LCA5L: variants seen among roughly 807,000 people sequenced by gnomAD.
LCA5L encodes the protein lebercilin LCA5 like.
A neutral mutation model predicts 45.4 loss-of-function variants in LCA5L; 35 were observed. The ratio of observed to expected loss-of-function variants is 0.77; its 90% confidence interval spans 0.59 to 1.02. LCA5L has a LOEUF of 1.02. LCA5L is among the 50% of genes least tolerant of loss of function. LCA5L has a pLI of 0.00. For synonymous variants in LCA5L, 233 were observed against 264.7 expected (o/e 0.88, Z 1.16); for missense variants, 668 against 761.6 (o/e 0.88, Z 1.45).
intron 2 of LCA5L, among the ~76,000 whole-genome samples, chr21:39,443,047 T>C (rs144571766): frequency 2.0e-4 from 30 of 152,180 alleles, no homozygotes; most frequent in Admixed American, 3.9e-4. Context: ...ACAGTGTTTG[T>C]AGAGTGAAAT....
chr21:39,406,626 A>G lies in LCA5L; in HGVS notation c.1283-14T>C. The G allele has an allele frequency of 6.5e-7, 1 of 1,547,252 alleles. No individual in the cohort carries two copies. On this transcript the variant is annotated splice_polypyrimidine_tract_variant and intron_variant, in intron 10 of 10. Coordinates refer to ENST00000288350, the MANE Select transcript of LCA5L (RefSeq NM_152505.4). Reference sequence around the variant, plus strand: ...CCCCTGATAAATCTATATTAGAAAAATAGGCAATTTAGTGCTGTTTAAAAT... The same window carrying G: ...CCCCTGATAAATCTATATTAGAAAAGTAGGCAATTTAGTGCTGTTTAAAAT...
Position 39,405,832 on chromosome 21 carries a change from A to T in LCA5L, c.*50T>A. On this transcript the variant is annotated 3_prime_UTR_variant, in exon 11 of 11. Coordinates refer to ENST00000288350, the MANE Select transcript of LCA5L (RefSeq NM_152505.4). The stretch of plus-strand genomic sequence containing the variant: ...ACATTTCAAAAATAAGATGCAAGGC[A>T]CATAAGCAGCATTATATCAAACCAG... The T allele has an allele frequency of 7.4e-7, 1 of 1,348,600 alleles. No homozygotes were observed. Among genetic ancestry groups the T allele is most frequent in the Non-Finnish European group, 1.0e-6 (1 of 1,002,916 alleles). The allele number at this position is 1,348,600 out of a possible 1,614,324, so 83.5% of individuals were successfully genotyped here.
chr21:39,422,678 T>A, intron 6 of LCA5L: 1 of 472,502 alleles, frequency 2.1e-6, no homozygotes. Context: ...AAAAAGTCCC[T>A]TAGCACTGTA....
At chr21:39,431,470 T>A (rs912313641) in intron 3 of LCA5L, among the ~76,000 whole-genome samples, 3 of 149,000 alleles carry the variant, frequency 2.0e-5, no homozygotes, top group Non-Finnish European at 4.5e-5. Flanking sequence ...ATAAAGACAA[T>A]TTTTTTTTTG....
chr21:39,436,508 G>A (rs1180236139), intron 2 of LCA5L, among the ~76,000 whole-genome samples: 1 of 152,108 alleles, frequency 6.6e-6, no homozygotes, highest in East Asian at 1.9e-4. Context: ...TTGAGATGGA[G>A]TCTCACTGTG....
chr21:39,420,293 A>G (rs142116571), intron 7 of LCA5L, among the ~76,000 whole-genome samples: 1 of 152,254 alleles, frequency 6.6e-6, no homozygotes, highest in Non-Finnish European at 1.5e-5. Context: ...AGACCAAGGC[A>G]GGTGGATCAC....
chr21:39,417,401 C>T (rs1218055904), intron 7 of LCA5L, among the ~76,000 whole-genome samples: 2 of 152,134 alleles, frequency 1.3e-5, no homozygotes, highest in Non-Finnish European at 2.9e-5. Flanking sequence ...TTCATGGTTC[C>T]ATAAAGATAT....
In LCA5L at chr21:39,423,070, A is replaced by G. The variant is rs747428400; in HGVS notation, c.743T>C (p.Leu248Pro). The change falls in exon 6 of 11, where the codon CTT becomes CCT. Residue 248 changes from leucine to proline, a missense_variant. Transcript: ENST00000288350. Reference sequence around the variant, plus strand: ...TTCTGCAAGGTTTTTGTCTTCAGAAAGTTTCTGCAGTGCCTGCAAGATATC... The same window carrying G: ...TTCTGCAAGGTTTTTGTCTTCAGAAGGTTTCTGCAGTGCCTGCAAGATATC... ...TKDILQALQKLSEDKNLAERE... is the reference protein window; with the variant it reads ...TKDILQALQKPSEDKNLAERE... 7.4e-6 allele frequency: 12 copies of G among 1,614,066 alleles called. No homozygotes were observed. Among genetic ancestry groups the G allele is most frequent in the Non-Finnish European group, 9.3e-6 (11 of 1,180,022 alleles).
At chr21:39,420,866 C>A (rs765294580) in intron 6 of LCA5L, 23 bp from the exon 7 acceptor site, 2 of 1,572,564 alleles carry the variant, frequency 1.3e-6, no homozygotes, top group Non-Finnish European at 1.7e-6. Context: ...TATATTATAA[C>A]TATTCTGCAA....
intron 5 of LCA5L, among the ~76,000 whole-genome samples, chr21:39,427,153 C>T (rs1415195348): frequency 1.3e-5 from 2 of 152,148 alleles, no homozygotes; most frequent in African/African-American, 4.8e-5. Flanking sequence ...AACAGCAGGC[C>T]CTTTATTGTC....
intron 7 of LCA5L, among the ~76,000 whole-genome samples, chr21:39,417,836 G>T (rs9975823): frequency 6.6e-6 from 1 of 151,832 alleles, no homozygotes; most frequent in African/African-American, 2.4e-5. Context: ...CGTGATCTCC[G>T]CTCACTGCAA....
At chr21:39,410,988 G>A (rs1028772511) in intron 8 of LCA5L, 1 of 467,350 alleles carries the variant, frequency 2.1e-6, no homozygotes, top group African/African-American at 2.0e-5. Flanking sequence ...GGGAGATTTT[G>A]GGGGGAAAGC....
rs769930317 is a variant in LCA5L at position 39,428,196 on chromosome 21, CATT to C, written c.295_297del (p.Asn99del). ...CCTTTAGATTGGGAGATTTTAGAAA[CATT>C]ATACTTTTTCTTCTCCTTTTCTTTT... is the stretch of plus-strand genomic sequence containing the variant. On this transcript the variant is annotated inframe_deletion, in exon 5 of 11. Transcript: ENST00000288350. 1.3e-5 allele frequency: 20 copies of C among 1,592,322 alleles called. No individual in the cohort carries two copies. Among genetic ancestry groups the C allele is most frequent in the Admixed American group, 5.2e-5 (3 of 57,454 alleles).
chr21:39,434,084 C>G (rs887590652), intron 3 of LCA5L, among the ~76,000 whole-genome samples: 2 of 152,158 alleles, frequency 1.3e-5, no homozygotes, highest in African/African-American at 4.8e-5. Context: ...GACTCCAGAA[C>G]CATCCTAAAA....
chr21:39,419,617 A>T (rs772819290), intron 7 of LCA5L, among the ~76,000 whole-genome samples: 2 of 152,258 alleles, frequency 1.3e-5, no homozygotes, highest in Non-Finnish European at 1.5e-5. Flanking sequence ...CCATAGTGAT[A>T]CTTTTACGAC....
Position 39,445,752 on chromosome 21 carries a change from C to G in LCA5L, c.-340G>C, listed in dbSNP as rs2077430246. 6.6e-6 allele frequency: 1 copy of G among 152,228 alleles called. No homozygotes were observed. The highest frequency in any genetic ancestry group is 1.5e-5 in the Non-Finnish European group (1 of 68,042). The allele number at this position is 152,228 out of a possible 1,614,324, so 9.4% of individuals were successfully genotyped here. ...GCTCCGCGCTGTTCCCACGACTGCG[C>G]CAACGCCGCAGCGCCGGCGCGTCCC... On this transcript the variant is annotated 5_prime_UTR_variant, in exon 1 of 11. Transcript: ENST00000288350.
chr21:39,414,742 CTGTGTGTGTGTG>C (rs66478742), intron 7 of LCA5L, among the ~76,000 whole-genome samples: 17 of 99,180 alleles, frequency 1.7e-4, no homozygotes, highest in Admixed American at 9.1e-4. Flanking sequence ...CTCTCTCTCT[CTGTGTGTGTGTG>C]TGTGTGTGTG....
At chr21:39,415,712 A>G (rs2041012292) in intron 7 of LCA5L, among the ~76,000 whole-genome samples, 1 of 152,226 alleles carries the variant, frequency 6.6e-6, no homozygotes, top group South Asian at 2.1e-4. Flanking sequence ...AAACACTGCG[A>G]CTGATTAATA....
intron 2 of LCA5L, among the ~76,000 whole-genome samples, chr21:39,437,048 G>T (rs1329395203): frequency 2.6e-5 from 4 of 152,254 alleles, no homozygotes; most frequent in Non-Finnish European, 5.9e-5. Flanking sequence ...GCCTAGAGGA[G>T]TTCCTGAGAA....
Sources: gnomAD v4.1 joint callset for allele counts (sites outside exome capture counted in the v4.1 genomes callset) on GRCh38, gnomAD v4.1.1 for gene constraint, MANE v1.5 for transcripts, NCBI Gene and HGNC (gene_info 2026-07-23, HGNC 2026-07-21) for gene names.